The following SPIDR variants were observed in gnomAD, a reference collection of about 807,000 sequenced individuals.
The protein encoded by SPIDR is scaffold protein involved in DNA repair, also known as DNA repair-scaffolding protein.
Under a neutral mutation model 104.6 loss-of-function variants are expected in SPIDR, and 93 were observed. That is an observed-to-expected ratio of 0.89 (90% CI 0.75 to 1.06). The LOEUF (loss-of-function observed/expected upper bound fraction) is 1.06, where lower values mean the gene tolerates loss of function less well. SPIDR is among the 50% of genes least tolerant of loss of function. The pLI is 0.00. For synonymous variants in SPIDR, 431 were observed against 416.9 expected (o/e 1.03, Z -0.41); for missense variants, 1,154 against 1,111.2 (o/e 1.04, Z -0.55).
chr8:47,603,825 A>G (rs1008837628), intron 10 of SPIDR, among the ~76,000 whole-genome samples: 1 of 152,258 alleles, frequency 6.6e-6, no homozygotes, highest in Non-Finnish European at 1.5e-5. Flanking sequence ...GTCTTCAGAC[A>G]AAAAGCTGGA....
chr8:47,711,027 G>A (rs1210889724), intron 14 of SPIDR, among the ~76,000 whole-genome samples: 2 of 151,930 alleles, frequency 1.3e-5, no homozygotes, highest in Non-Finnish European at 1.5e-5. Context: ...GCCTCCCAAC[G>A]TGCTGGGATT....
Position 47,729,449 on chromosome 8 carries a change from C to G in SPIDR, c.2588C>G (p.Ala863Gly). 6.3e-7 allele frequency: 1 copy of G among 1,597,478 alleles called. No individual in the cohort carries two copies. Among genetic ancestry groups the G allele is most frequent in the Non-Finnish European group, 8.5e-7 (1 of 1,172,948 alleles). ...QRSISSLLRF[A>G]AGEDGSYEVK... is the part of the protein sequence containing the mutation. Reference sequence around the variant, plus strand: ...AGCATTTCCTCCCTGCTGAGGTTTGCCGCCGGTGAAGATGGGGTAAGTGCA... The same window carrying G: ...AGCATTTCCTCCCTGCTGAGGTTTGGCGCCGGTGAAGATGGGGTAAGTGCA... The change falls in exon 19 of 20, where the codon GCC becomes GGC. Residue 863 changes from alanine to glycine, a missense_variant. Physicochemically the swap from Ala to Gly is moderately conservative, Grantham distance 60. Coordinates refer to ENST00000297423, the MANE Select transcript of SPIDR (RefSeq NM_001080394.4).
chr8:47,415,460 G>A (rs1554674646), intron 7 of SPIDR, among the ~76,000 whole-genome samples: 2 of 152,160 alleles, frequency 1.3e-5, no homozygotes, highest in African/African-American at 4.8e-5. Flanking sequence ...ACCTGTTACT[G>A]TGGTCTGAAT....
At chr8:47,561,272 A>T (rs2154401403) in intron 8 of SPIDR, among the ~76,000 whole-genome samples, 1 of 152,270 alleles carries the variant, frequency 6.6e-6, no homozygotes, top group African/African-American at 2.4e-5. Context: ...AGTATTTCTC[A>T]ATTAGAGTAT....
At chr8:47,734,767 C>T (rs1346976058) in intron 19 of SPIDR, among the ~76,000 whole-genome samples, 2 of 152,030 alleles carry the variant, frequency 1.3e-5, no homozygotes, top group East Asian at 1.9e-4. Flanking sequence ...CATCTGGAGA[C>T]GAAACTCACC....
At chr8:47,294,645 T>C (rs2040514565) in intron 5 of SPIDR, among the ~76,000 whole-genome samples, 2 of 152,184 alleles carry the variant, frequency 1.3e-5, no homozygotes, top group African/African-American at 4.8e-5. Context: ...TATTTATTTA[T>C]TTAGAGACAG....
intron 8 of SPIDR, among the ~76,000 whole-genome samples, chr8:47,449,542 G>A (rs1419567098): frequency 6.6e-6 from 1 of 152,186 alleles, no homozygotes; most frequent in Non-Finnish European, 1.5e-5. Context: ...TCCTATTGAA[G>A]AGACCAAAGC....
intron 8 of SPIDR, among the ~76,000 whole-genome samples, chr8:47,560,371 T>G (rs2056907392): frequency 6.6e-6 from 1 of 152,216 alleles, no homozygotes; most frequent in African/African-American, 2.4e-5. Flanking sequence ...CCTCACCAGC[T>G]CCATCCTTGT....
intron 10 of SPIDR, among the ~76,000 whole-genome samples, chr8:47,663,456 A>G (rs1254456171): frequency 1.3e-5 from 2 of 152,216 alleles, no homozygotes; most frequent in East Asian, 3.8e-4. Context: ...ACATGAATGG[A>G]TGGATCATTG....
intron 8 of SPIDR, among the ~76,000 whole-genome samples, chr8:47,534,032 G>A (rs916501478): frequency 1.3e-5 from 2 of 152,196 alleles, no homozygotes; most frequent in Admixed American, 6.5e-5. Flanking sequence ...CATTTTTCCT[G>A]TGCTGTTCTA....
chr8:47,432,537 A>G (rs2067547505), intron 7 of SPIDR, among the ~76,000 whole-genome samples: 1 of 152,170 alleles, frequency 6.6e-6, no homozygotes, highest in African/African-American at 2.4e-5. Flanking sequence ...CACAGAGTTC[A>G]TGGTTTAATA....
chr8:47,370,110 C>G (rs527607772), intron 5 of SPIDR, among the ~76,000 whole-genome samples: 4 of 152,116 alleles, frequency 2.6e-5, no homozygotes, highest in South Asian at 2.1e-4. Flanking sequence ...CTTGTAGGCA[C>G]AACGATAGGT....
At chr8:47,502,139 G>C (rs1226457082) in intron 8 of SPIDR, among the ~76,000 whole-genome samples, 1 of 152,184 alleles carries the variant, frequency 6.6e-6, no homozygotes, top group Non-Finnish European at 1.5e-5. Context: ...TTGGTATCAG[G>C]ATGATGCTGG....
At chr8:47,621,052 G>C (rs962885855) in intron 10 of SPIDR, among the ~76,000 whole-genome samples, 9 of 151,768 alleles carry the variant, frequency 5.9e-5, no homozygotes, top group African/African-American at 2.2e-4. Flanking sequence ...CGCCTCCTGG[G>C]TTCAAGCAAG....
intron 8 of SPIDR, among the ~76,000 whole-genome samples, chr8:47,518,837 G>A (rs1360180256): frequency 6.6e-6 from 1 of 151,942 alleles, no homozygotes; most frequent in Non-Finnish European, 1.5e-5. Context: ...GGGTTTCACT[G>A]TGTTAGCCAG....
chr8:47,599,080 G>A lies in SPIDR; in HGVS notation c.1428G>A (p.Ser476=), dbSNP rs749226220. 14 of 1,612,832 alleles carry A rather than the reference G, an allele frequency of 8.7e-6. No individual in the cohort carries two copies. The highest frequency in any genetic ancestry group is 3.3e-4 in the Middle Eastern group (2 of 6,062). The change falls in exon 10 of 20, where the codon TCG becomes TCA. Residue 476 remains serine (S), a synonymous_variant. Transcript: ENST00000297423. ...TGGTGGAAAGCCAGGGAGCTGCCTC[G>A]TGGCCAGGAGCTGGAGTCCGAGTGG... ...LDVVESQGAA[S]WPGAGVRVVV... is the part of the protein sequence containing the mutation.
chr8:47,509,501 G>T (rs2081998706), intron 8 of SPIDR, among the ~76,000 whole-genome samples: 1 of 152,164 alleles, frequency 6.6e-6, no homozygotes. Flanking sequence ...TGGTTTTAGG[G>T]CCCAGGAGAG....
chr8:47,384,684 C>G (rs1039037494), intron 5 of SPIDR, among the ~76,000 whole-genome samples: 12 of 152,146 alleles, frequency 7.9e-5, no homozygotes, highest in African/African-American at 2.7e-4. Flanking sequence ...TAGACAGATG[C>G]GGGGCTTCCC....
intron 7 of SPIDR, among the ~76,000 whole-genome samples, chr8:47,410,212 C>T (rs1194678403): frequency 2.7e-5 from 4 of 150,710 alleles, no homozygotes; most frequent in South Asian, 2.1e-4. Flanking sequence ...GACAGCATCT[C>T]GCTCTGTCAC....
Sources: allele counts gnomAD v4.1 joint callset (sites outside exome capture counted in the v4.1 genomes callset), GRCh38; gene constraint gnomAD v4.1.1; transcripts MANE v1.5; gene names NCBI Gene and HGNC (gene_info 2026-07-23, HGNC 2026-07-21).